Variants in TRPM5 observed in about 807,000 individuals in gnomAD.
TRPM5 encodes MLSN1 and TRP-related.
TRPM5 carries 121 observed loss-of-function variants against 124.9 expected under a neutral mutation model. The observed-to-expected ratio is 0.97, with a 90% CI of 0.84 to 1.13. The LOEUF (loss-of-function observed/expected upper bound fraction) is 1.13, where lower values mean the gene tolerates loss of function less well. TRPM5 is among the 50% of genes most tolerant of loss of function. TRPM5 has a pLI of 0.00. For synonymous variants in TRPM5, 781 were observed against 700.5 expected (o/e 1.11, Z -1.81); for missense variants, 1,643 against 1,589.1 (o/e 1.03, Z -0.58).
intron 4 of TRPM5, among the ~76,000 whole-genome samples, chr11:2,419,622 C>CGAAAAAAA (rs1845737191): frequency 7.9e-6 from 1 of 126,920 alleles, no homozygotes; most frequent in African/African-American, 2.8e-5. Flanking sequence ...GATTCTGCCT[C>CGAAAAAAA]AAAAAAAAAA....
intron 18 of TRPM5, among the ~76,000 whole-genome samples, chr11:2,410,342 C>T (rs371308595): frequency 6.6e-6 from 1 of 152,204 alleles, no homozygotes. Flanking sequence ...GAGCGCCACT[C>T]CACAGAGGTC....
chr11:2,407,721 C>T, intron 19 of TRPM5, 38 bp downstream of exon 24: 2 of 1,608,124 alleles, frequency 1.2e-6, no homozygotes, highest in Non-Finnish European at 1.7e-6. Flanking sequence ...GCTCCCTCCG[C>T]TCCAGGGCTC....
chr11:2,418,936 G>C (rs954642029), intron 4 of TRPM5, among the ~76,000 whole-genome samples: 1 of 152,202 alleles, frequency 6.6e-6, no homozygotes, highest in East Asian at 1.9e-4. Context: ...GCAGCATCTC[G>C]ACCATCGAGG....
chr11:2,436,321 C>A, the TRPM5 span, among the ~76,000 whole-genome samples: 2 of 152,280 alleles, frequency 1.3e-5, no homozygotes, highest in African/African-American at 4.8e-5. Flanking sequence ...GTGAGCCCCC[C>A]ACACCATTGT....
exon 1 of TRPM5, chr11:2,423,022 T>C: frequency 1.2e-6 from 2 of 1,611,770 alleles, no homozygotes; most frequent in Non-Finnish European, 1.7e-6. Flanking sequence ...GACGGGGGCC[T>C]TGGACATCCT....
upstream of TRPM5, chr11:2,423,055 A>T: frequency 6.3e-7 from 1 of 1,597,306 alleles, no homozygotes; most frequent in Non-Finnish European, 8.5e-7. Flanking sequence ...CTAGAGCTGC[A>T]GGGATACCCT....
At chr11:2,438,775 C>T in the TRPM5 span, among the ~76,000 whole-genome samples, 1 of 152,152 alleles carries the variant, frequency 6.6e-6, no homozygotes, top group African/African-American at 2.4e-5. The surrounding 1 kb of genome is among the most constrained non-coding windows in gnomAD (Gnocchi z 5.9). Context: ...ACAGATTAAG[C>T]GCTATTCCTA....
At chr11:2,422,188 A>G (rs1344562426) in exon 2 of TRPM5, 4 of 1,612,058 alleles carry the variant, frequency 2.5e-6, no homozygotes, top group Middle Eastern at 1.7e-4. Flanking sequence ...CACATCCCGC[A>G]GCCAGGACTT....
rs771634176 is a variant in TRPM5, at chr11:2,414,067, G to A, written c.1884C>T (p.Gly628=). ...GAGGACAGCTGGCACTCACCTGAAC[G>A]CCGTCGTGGGCAAAGAAGGCCTTGG... The change falls in exon 12 of 24, where the codon GGC becomes GGT. Residue 628 remains glycine, a synonymous_variant. Transcript: ENST00000155858. 4.7e-5 allele frequency: 62 copies of A among 1,322,458 alleles called. 1 individual carries two copies. The South Asian group carries it at 5.0e-4, about 11-fold the overall frequency. 81.9% of individuals were successfully genotyped at this position (1,322,458 alleles called of 1,614,324 possible).
At chr11:2,425,180 C>G (rs1334601995), upstream of TRPM5, among the ~76,000 whole-genome samples, 1 of 151,996 alleles carries the variant, frequency 6.6e-6, no homozygotes, top group Non-Finnish European at 1.5e-5. Flanking sequence ...CCCGGGGCTG[C>G]CAAAACAAAG....
At chr11:2,425,561 T>C (rs957805330), upstream of TRPM5, among the ~76,000 whole-genome samples, 2 of 151,176 alleles carry the variant, frequency 1.3e-5, no homozygotes, top group African/African-American at 2.5e-5. Flanking sequence ...TGTCGCCCCA[T>C]CTGGGAGGAC....
chr11:2,414,009 G>GGGGGGCGGCCCCCC, intron 12 of TRPM5, 52 bp downstream of exon 17: 1 of 1,023,734 alleles, frequency 9.8e-7, no homozygotes, highest in East Asian at 2.8e-5. Context: ...GGCCCAGCTC[G>GGGGGGCGGCCCCCC]CCCGCCCACC....
At chr11:2,409,017 G>C (rs148756181) in intron 18 of TRPM5, among the ~76,000 whole-genome samples, 1 of 152,288 alleles carries the variant, frequency 6.6e-6, no homozygotes, top group Non-Finnish European at 1.5e-5. Context: ...GGTTCTGGGG[G>C]GTCTCCTTGT....
At chr11:2,406,119 T>A (rs775329640) in intron 21 of TRPM5, 28 bp from the exon 27 acceptor site, 18 of 1,609,170 alleles carry the variant, frequency 1.1e-5, no homozygotes, top group Non-Finnish European at 1.5e-5. Flanking sequence ...GGTCAGGCTG[T>A]GGATGGCCAC....
intron 14 of TRPM5, 52 bp from the exon 20 acceptor site, chr11:2,413,064 C>A (rs767308672): frequency 6.5e-7 from 1 of 1,548,858 alleles, no homozygotes; most frequent in South Asian, 1.2e-5. Flanking sequence ...GCCGGGTGCC[C>A]CACCAGAGTC....
intron 19 of TRPM5, 59 bp from the exon 25 acceptor site, chr11:2,407,359 A>C: frequency 1.3e-6 from 2 of 1,484,236 alleles, no homozygotes; most frequent in Non-Finnish European, 1.8e-6. Context: ...TGGGGGACGC[A>C]TCCCCCTGCA....
upstream of TRPM5, among the ~76,000 whole-genome samples, chr11:2,426,871 G>C (rs1396841773): frequency 6.6e-6 from 1 of 152,222 alleles, no homozygotes; most frequent in Non-Finnish European, 1.5e-5. Context: ...TCCCTGGGCT[G>C]CAGTGGAGGA....
chr11:2,415,266 C>T (rs776574089), exon 9 of TRPM5: 4 of 1,571,454 alleles, frequency 2.5e-6, no homozygotes, highest in South Asian at 2.3e-5. Flanking sequence ...GGTGCCCAGG[C>T]CGGCCAGCGT....
chr11:2,409,819 C>T (rs1180078385), intron 18 of TRPM5, among the ~76,000 whole-genome samples: 1 of 152,192 alleles, frequency 6.6e-6, no homozygotes, highest in Non-Finnish European at 1.5e-5. Context: ...CAGCACGGGG[C>T]TCTGAGATCC....
Sources: allele counts gnomAD v4.1 joint callset (sites outside exome capture counted in the v4.1 genomes callset), GRCh38; gene constraint gnomAD v4.1.1; non-coding constraint Gnocchi (gnomAD v3.1); transcripts MANE v1.5; gene names NCBI Gene and HGNC (gene_info 2026-07-23, HGNC 2026-07-21).